Variants in CCDC192 observed in about 807,000 individuals in gnomAD.
CCDC192 encodes the protein coiled-coil domain-containing protein 192.
At chr5:127,778,371 C>A (rs530982587) in intron 3 of CCDC192, among the ~76,000 whole-genome samples, 2 of 151,886 alleles carry the variant, frequency 1.3e-5, no homozygotes, top group Admixed American at 1.3e-4. Context: ...CTGAATTGAC[C>A]ATGTAGTATT....
intron 5 of CCDC192, among the ~76,000 whole-genome samples, chr5:127,858,650 C>T (rs1297885104): frequency 2.0e-5 from 3 of 152,114 alleles, no homozygotes; most frequent in Non-Finnish European, 2.9e-5. Context: ...AGTTTGTCTG[C>T]GATAAACAAA....
intron 6 of CCDC192, among the ~76,000 whole-genome samples, chr5:127,923,675 C>A (rs1242461520): frequency 6.6e-6 from 1 of 152,164 alleles, no homozygotes; most frequent in Non-Finnish European, 1.5e-5. Flanking sequence ...CCGCGCCCGG[C>A]CTTTTCATTA....
chr5:127,733,620 G>C (rs897596281), intron 2 of CCDC192, among the ~76,000 whole-genome samples: 9 of 152,132 alleles, frequency 5.9e-5, no homozygotes, highest in African/African-American at 2.2e-4. Flanking sequence ...GAGAGCCAGA[G>C]AATCAACCTT....
chr5:127,734,937 T>A (rs2126824590), intron 2 of CCDC192, among the ~76,000 whole-genome samples: 1 of 149,692 alleles, frequency 6.7e-6, no homozygotes, highest in African/African-American at 2.5e-5. Context: ...TTTAATTAGA[T>A]CCCATTTGTC....
intron 2 of CCDC192, among the ~76,000 whole-genome samples, chr5:127,724,572 C>T (rs938981033): frequency 2.0e-5 from 3 of 152,084 alleles, no homozygotes; most frequent in Non-Finnish European, 2.9e-5. Flanking sequence ...AAGTCTAGGC[C>T]GGGCACAGTG....
chr5:127,847,742 GA>G (rs1750620784), intron 5 of CCDC192, among the ~76,000 whole-genome samples: 1 of 151,812 alleles, frequency 6.6e-6, no homozygotes, highest in Admixed American at 6.6e-5. Flanking sequence ...GAATCCACTT[GA>G]ACCTGGAAGG....
chr5:127,746,525 C>A (rs1226276995), intron 2 of CCDC192, among the ~76,000 whole-genome samples: 1 of 152,090 alleles, frequency 6.6e-6, no homozygotes, highest in Non-Finnish European at 1.5e-5. Context: ...ATAGTTTGGC[C>A]TCATGACAAT....
At chr5:127,716,852 C>A (rs914432288) in intron 2 of CCDC192, among the ~76,000 whole-genome samples, 1 of 152,160 alleles carries the variant, frequency 6.6e-6, no homozygotes, top group African/African-American at 2.4e-5. Flanking sequence ...TTGGAATTGG[C>A]TGAAGCCTCT....
At chr5:127,927,723 T>A (rs1264199460) in intron 6 of CCDC192, among the ~76,000 whole-genome samples, 2 of 152,182 alleles carry the variant, frequency 1.3e-5, no homozygotes, top group Non-Finnish European at 2.9e-5. Flanking sequence ...TCTCTGGATG[T>A]CTGGAAACCC....
At chr5:127,846,903 C>T (rs901318095) in intron 5 of CCDC192, among the ~76,000 whole-genome samples, 2 of 149,232 alleles carry the variant, frequency 1.3e-5, no homozygotes, top group Non-Finnish European at 3.0e-5. Flanking sequence ...TGGGTTCCCA[C>T]ATTCTGTCAA....
At chr5:127,811,492 G>A (rs1384332661) in intron 5 of CCDC192, among the ~76,000 whole-genome samples, 2 of 152,146 alleles carry the variant, frequency 1.3e-5, no homozygotes, top group Non-Finnish European at 2.9e-5. Flanking sequence ...GCTTAGATAG[G>A]AAGGCTTAAA....
chr5:127,939,369 A>T (rs1754302243), intron 6 of CCDC192, among the ~76,000 whole-genome samples: 1 of 151,992 alleles, frequency 6.6e-6, no homozygotes, highest in Non-Finnish European at 1.5e-5. Flanking sequence ...CACCTGCTTC[A>T]GCCTCCCAAA....
rs531627660 is a variant in CCDC192 at position 127,753,184 on chromosome 5, T to G, written c.115-1084T>G. ...ATTGGAAGCAGCTGCAGCAGGAGTA[T>G]TCACAAGAAAACAGGACACACCCAC... On this transcript the variant is annotated intron_variant, in intron 2 of 6. Transcript: ENST00000514853. Among the ~76,000 whole-genome samples, 7 of 152,262 alleles carry G rather than the reference T, an allele frequency of 4.6e-5. No individual in the cohort carries two copies. In the South Asian group the frequency reaches 1.0e-3, roughly 23 times the overall value.
intron 2 of CCDC192, among the ~76,000 whole-genome samples, chr5:127,724,207 T>C (rs1161851948): frequency 6.6e-6 from 1 of 152,224 alleles, no homozygotes; most frequent in Non-Finnish European, 1.5e-5. Context: ...ATAATGTTTA[T>C]TACAATATAA....
At chr5:127,935,805 A>C (rs1754171210) in intron 6 of CCDC192, among the ~76,000 whole-genome samples, 1 of 152,202 alleles carries the variant, frequency 6.6e-6, no homozygotes, top group South Asian at 2.1e-4. Context: ...CCACTTGCTT[A>C]GAAAATTATC....
chr5:127,846,461 T>C (rs1007466181), intron 5 of CCDC192, among the ~76,000 whole-genome samples: 2 of 151,956 alleles, frequency 1.3e-5, no homozygotes, highest in Non-Finnish European at 2.9e-5. Context: ...GTAGTGCCTA[T>C]TTTATTTTGT....
chr5:127,724,526 A>T (rs1188244283), intron 2 of CCDC192, among the ~76,000 whole-genome samples: 1 of 152,104 alleles, frequency 6.6e-6, no homozygotes, highest in Non-Finnish European at 1.5e-5. Context: ...ATCCAAATGT[A>T]CTAAATGGTT....
At chr5:127,845,358 AG>A (rs1234279888) in intron 5 of CCDC192, among the ~76,000 whole-genome samples, 1 of 152,134 alleles carries the variant, frequency 6.6e-6, no homozygotes, top group African/African-American at 2.4e-5. Flanking sequence ...TGCACTAAGA[AG>A]GTGGTTCTTT....
intron 2 of CCDC192, among the ~76,000 whole-genome samples, chr5:127,719,156 CCTT>C (rs1367138382): frequency 2.6e-5 from 4 of 152,034 alleles, no homozygotes; most frequent in South Asian, 4.1e-4. Context: ...CAAAGTTTGT[CCTT>C]CTTGACAGGT....
Sources: gnomAD v4.1 joint callset for allele counts (sites outside exome capture counted in the v4.1 genomes callset) on GRCh38, gnomAD v4.1.1 for gene constraint, MANE v1.5 for transcripts, NCBI Gene and HGNC (gene_info 2026-07-23, HGNC 2026-07-21) for gene names.